The following NELL2 variants were observed in gnomAD, a reference collection of about 807,000 sequenced individuals.
NELL2 encodes protein kinase C-binding protein NELL2.
NELL2 carries 41 observed loss-of-function variants against 109.6 expected under a neutral mutation model. That is an observed-to-expected ratio of 0.37 (90% CI 0.29 to 0.49). NELL2 has a LOEUF of 0.49. Among genes scored for constraint, NELL2 ranks in the 20% least tolerant of loss-of-function variants. The pLI is 0.98. For missense variants in NELL2, 900 were observed against 1,008.3 expected (o/e 0.89, Z 1.45); for synonymous variants, 355 against 344.7 (o/e 1.03, Z -0.33).
intron 15 of NELL2, among the ~76,000 whole-genome samples, chr12:44,580,519 C>A (rs1235031905): frequency 6.6e-6 from 1 of 152,112 alleles, no homozygotes; most frequent in Non-Finnish European, 1.5e-5. Context: ...GAGTTCGAAA[C>A]CAGCCTGGGC....
chr12:44,684,419 C>T (rs540898566), intron 12 of NELL2, among the ~76,000 whole-genome samples: 44 of 152,188 alleles, frequency 2.9e-4, no homozygotes, highest in African/African-American at 8.2e-4. Context: ...CTATTTCCTT[C>T]AGTTCTGCTC....
At chr12:44,537,884 G>T (rs1942366781) in intron 15 of NELL2, among the ~76,000 whole-genome samples, 1 of 152,040 alleles carries the variant, frequency 6.6e-6, no homozygotes, top group Non-Finnish European at 1.5e-5. Flanking sequence ...ATTTTCTCAT[G>T]AATTTTTTGA....
chr12:44,522,329 T>A (rs1473620084), intron 17 of NELL2, among the ~76,000 whole-genome samples, 153 bp from the exon 18 acceptor site: 2 of 152,208 alleles, frequency 1.3e-5, no homozygotes, highest in African/African-American at 4.8e-5. Context: ...AGCATTTCTT[T>A]TTTTAGCTAA....
rs147444313 is a variant in NELL2 at position 44,721,290 on chromosome 12, C to T, written c.995-6549G>A. Among the ~76,000 whole-genome samples, 8 of 152,196 alleles carry T rather than the reference C, an allele frequency of 5.3e-5. No individual in the cohort carries two copies. In the East Asian group the frequency reaches 1.4e-3, roughly 26 times the overall value. On this transcript the variant is annotated intron_variant, in intron 9 of 19. Transcript: ENST00000429094. ...TATACCATATAACAGTCTATTAAAA[C>T]AACAATATAATCAATTCATTTAGTC...
At chr12:44,574,010 A>G (rs1043445222) in intron 15 of NELL2, among the ~76,000 whole-genome samples, 4 of 151,930 alleles carry the variant, frequency 2.6e-5, no homozygotes, top group Admixed American at 2.6e-4. Context: ...TAACCTCCCT[A>G]GTTGTTTTCT....
At chr12:44,660,267 C>T (rs1472768547) in intron 13 of NELL2, among the ~76,000 whole-genome samples, 2 of 152,092 alleles carry the variant, frequency 1.3e-5, no homozygotes, top group Non-Finnish European at 2.9e-5. Context: ...GCAGGATTTC[C>T]CAACCTTGGG....
chr12:44,794,570 T>C (rs115721465), intron 3 of NELL2, among the ~76,000 whole-genome samples: 2,202 of 152,258 alleles, frequency 0.014, 52 homozygotes, highest in African/African-American at 0.05. Context: ...ATCAGGGTAC[T>C]TCTCGTTATT....
At chr12:44,802,185 T>C (rs1163166392) in intron 3 of NELL2, among the ~76,000 whole-genome samples, 1 of 152,148 alleles carries the variant, frequency 6.6e-6, no homozygotes, top group Non-Finnish European at 1.5e-5. Context: ...CAACAGATCT[T>C]GAATCCTGAT....
intron 2 of NELL2, among the ~76,000 whole-genome samples, chr12:44,864,076 A>G (rs1310007850): frequency 3.9e-5 from 6 of 152,130 alleles, no homozygotes; most frequent in African/African-American, 1.2e-4. Context: ...ATAAAAGATA[A>G]AAGGAAAGGA....
chr12:44,616,889 ACT>A (rs1205550454), intron 13 of NELL2, among the ~76,000 whole-genome samples: 1 of 151,920 alleles, frequency 6.6e-6, no homozygotes, highest in Non-Finnish European at 1.5e-5. Flanking sequence ...GATAAAATAT[ACT>A]CTCTCTCTGT....
At chr12:44,577,777 C>G (rs181630217) in intron 15 of NELL2, among the ~76,000 whole-genome samples, 2 of 151,966 alleles carry the variant, frequency 1.3e-5, no homozygotes, top group Non-Finnish European at 2.9e-5. Context: ...TGCACCTGGC[C>G]GAGCCTGCCT....
intron 9 of NELL2, among the ~76,000 whole-genome samples, chr12:44,747,619 C>T (rs1940445846): frequency 6.6e-6 from 1 of 152,048 alleles, no homozygotes; most frequent in African/African-American, 2.4e-5. Context: ...GCACAGGGTT[C>T]AGCATCCCTG....
intron 12 of NELL2, among the ~76,000 whole-genome samples, chr12:44,685,861 T>C (rs1948698337): frequency 6.6e-6 from 1 of 152,180 alleles, no homozygotes; most frequent in South Asian, 2.1e-4. Flanking sequence ...TTTTCCTTCA[T>C]TTCAACTTTG....
At chr12:44,615,237 T>C (rs181207302) in intron 13 of NELL2, among the ~76,000 whole-genome samples, 164 of 152,124 alleles carry the variant, frequency 1.1e-3, no homozygotes, top group African/African-American at 3.9e-3. Flanking sequence ...TGGATTTTTT[T>C]TACATGTGTT....
At chr12:44,533,038 T>A (rs900619990) in intron 15 of NELL2, among the ~76,000 whole-genome samples, 3 of 152,192 alleles carry the variant, frequency 2.0e-5, no homozygotes, top group Non-Finnish European at 2.9e-5. Flanking sequence ...AGGATTATGA[T>A]TCTCCAGGCC....
intron 12 of NELL2, among the ~76,000 whole-genome samples, chr12:44,683,429 T>C (rs536581806): frequency 1.3e-5 from 2 of 151,018 alleles, no homozygotes; most frequent in Non-Finnish European, 2.9e-5. Context: ...CCTGCCTAAC[T>C]GCCCTGGCCA....
At chr12:44,814,167 AG>A (rs1437572441) in intron 3 of NELL2, among the ~76,000 whole-genome samples, 1 of 152,284 alleles carries the variant, frequency 6.6e-6, no homozygotes, top group Middle Eastern at 3.4e-3. Flanking sequence ...GGAGGGCCCT[AG>A]CACCAGTTAG....
At chr12:44,763,525 G>A (rs1941208810) in intron 9 of NELL2, among the ~76,000 whole-genome samples, 2 of 152,110 alleles carry the variant, frequency 1.3e-5, no homozygotes, top group African/African-American at 4.8e-5. Flanking sequence ...CTTGGTTTGT[G>A]TTTTCTTACA....
At chr12:44,788,829 G>A (rs1201234173) in intron 3 of NELL2, among the ~76,000 whole-genome samples, 4 of 152,140 alleles carry the variant, frequency 2.6e-5, no homozygotes, top group African/African-American at 7.2e-5. Context: ...CAGGGCACAG[G>A]GGGAGTAAGA....
Sources: gnomAD v4.1 joint callset for allele counts (sites outside exome capture counted in the v4.1 genomes callset) on GRCh38, gnomAD v4.1.1 for gene constraint, MANE v1.5 for transcripts, NCBI Gene and HGNC (gene_info 2026-07-23, HGNC 2026-07-21) for gene names.